CACNA2D3: variants seen among roughly 807,000 people sequenced by gnomAD.
CACNA2D3 encodes voltage-dependent calcium channel subunit alpha-2/delta-3.
CACNA2D3 carries 60 observed loss-of-function variants against 160.6 expected under a neutral mutation model. That is an observed-to-expected ratio of 0.37 (90% confidence interval 0.30 to 0.46). The LOEUF (loss-of-function observed/expected upper bound fraction) is 0.46. Ranked by LOEUF, CACNA2D3 falls within the 20% of genes least tolerant of loss-of-function variation. The pLI is 1.00. For synonymous variants in CACNA2D3, 558 were observed against 492.9 expected (o/e 1.13, Z -1.75); for missense variants, 1,205 against 1,365.0 (o/e 0.88, Z 1.85).
chr3:54,881,659 G>A (rs1334038875), intron 21 of CACNA2D3, among the ~76,000 whole-genome samples: 2 of 152,204 alleles, frequency 1.3e-5, no homozygotes, highest in African/African-American at 4.8e-5. Flanking sequence ...CTCACTTGCA[G>A]GTCATTAGGT....
intron 28 of CACNA2D3, among the ~76,000 whole-genome samples, chr3:54,969,390 G>A (rs553779431): frequency 6.6e-6 from 1 of 151,626 alleles, no homozygotes; most frequent in South Asian, 2.1e-4. Context: ...CTCCTGAGTA[G>A]CTGGGATTAC....
chr3:54,857,441 C>A (rs575531948), intron 17 of CACNA2D3, among the ~76,000 whole-genome samples: 1 of 152,068 alleles, frequency 6.6e-6, no homozygotes. Flanking sequence ...CAAGATGTGA[C>A]GAGAAATTAG....
At chr3:54,319,201 C>CACACACACACACACA (rs1559448362) in intron 2 of CACNA2D3, among the ~76,000 whole-genome samples, 1 of 146,794 alleles carries the variant, frequency 6.8e-6, no homozygotes, top group African/African-American at 2.5e-5. Context: ...CACACACACA[C>CACACACACACACACA]CCTTCCTCGA....
chr3:54,787,591 A>AT (rs1702666159), intron 13 of CACNA2D3, among the ~76,000 whole-genome samples: 1 of 152,192 alleles, frequency 6.6e-6, no homozygotes, highest in Non-Finnish European at 1.5e-5. Flanking sequence ...AACTTTAAAA[A>AT]TTAGTTAGGC....
At chr3:54,675,090 G>A (rs531438215) in intron 11 of CACNA2D3, among the ~76,000 whole-genome samples, 2 of 152,122 alleles carry the variant, frequency 1.3e-5, no homozygotes, top group Non-Finnish European at 2.9e-5. Flanking sequence ...ACAGGATCTG[G>A]GCTTTTTCAG....
intron 27 of CACNA2D3, among the ~76,000 whole-genome samples, chr3:54,954,463 T>G (rs1701831806): frequency 6.6e-6 from 1 of 152,226 alleles, no homozygotes; most frequent in Non-Finnish European, 1.5e-5. Flanking sequence ...TTTCCAGAGT[T>G]AGACCCAAGG....
chr3:54,371,469 A>G (rs58313414), intron 3 of CACNA2D3, among the ~76,000 whole-genome samples: 1,707 of 152,246 alleles, frequency 0.011, 27 homozygotes, highest in African/African-American at 0.039. Context: ...ATATAATACA[A>G]TTTGCTTATT....
At chr3:54,764,584 C>T (rs1023951222) in intron 13 of CACNA2D3, among the ~76,000 whole-genome samples, 2 of 152,182 alleles carry the variant, frequency 1.3e-5, no homozygotes, top group Non-Finnish European at 2.9e-5. Context: ...AAAGAAATCA[C>T]GTTTTGCTTG....
chr3:54,640,832 A>T (rs563014405), intron 10 of CACNA2D3, among the ~76,000 whole-genome samples: 44 of 152,298 alleles, frequency 2.9e-4, no homozygotes, highest in African/African-American at 1.0e-3. Context: ...AACTAGCCTC[A>T]TTTAGATTTT....
chr3:54,180,090 TG>T (rs1416137969), intron 2 of CACNA2D3, among the ~76,000 whole-genome samples: 1 of 145,354 alleles, frequency 6.9e-6, no homozygotes, highest in East Asian at 2.0e-4. Context: ...GGTTTTCTTT[TG>T]TCTTTTGCCT....
At chr3:54,934,250 A>C (rs984727389) in intron 27 of CACNA2D3, among the ~76,000 whole-genome samples, 2 of 152,198 alleles carry the variant, frequency 1.3e-5, no homozygotes, top group African/African-American at 4.8e-5. Flanking sequence ...TTTTTTACAC[A>C]ACCCATTCTT....
At chr3:54,565,505 C>T (rs764064315) in intron 6 of CACNA2D3, among the ~76,000 whole-genome samples, 9 of 152,146 alleles carry the variant, frequency 5.9e-5, no homozygotes, top group Non-Finnish European at 1.0e-4. Flanking sequence ...TGGTAACTCT[C>T]TTGTGTCTCT....
rs534841774 is a variant in CACNA2D3, at chr3:54,531,667, C to T, written c.544+28013C>T. Among the ~76,000 whole-genome samples, 9 of 152,236 alleles carry T rather than the reference C, an allele frequency of 5.9e-5. 1 individual carries two copies. In the East Asian group the frequency reaches 1.2e-3, roughly 20 times the overall value. On this transcript the variant is annotated intron_variant, in intron 5 of 37. Coordinates refer to ENST00000474759, the MANE Select transcript of CACNA2D3 (RefSeq NM_018398.3). ...AAGTTAATTGTGTTTCTGTGATGTC[C>T]GGGTTCGGAATGTCGGAAGTCATCA...
chr3:54,687,126 T>TCTTTTTCTTTTTC (rs374461120), intron 11 of CACNA2D3, among the ~76,000 whole-genome samples: 28 of 66,936 alleles, frequency 4.2e-4, no homozygotes, highest in African/African-American at 1.8e-3. Context: ...TTTTTCTTTT[T>TCTTTTTCTTTTTC]TTTTTTTTGT....
At chr3:54,391,004 G>GAAA (rs75040780) in intron 4 of CACNA2D3, among the ~76,000 whole-genome samples, 47 of 148,248 alleles carry the variant, frequency 3.2e-4, no homozygotes, top group Admixed American at 9.4e-4. Context: ...TTTTCATACT[G>GAAA]AAAAATAAAA....
chr3:54,183,853 C>G (rs955079643), intron 2 of CACNA2D3, among the ~76,000 whole-genome samples: 100 of 129,526 alleles, frequency 7.7e-4, no homozygotes, highest in African/African-American at 2.8e-3. Context: ...CCACTGCACT[C>G]GAGCCTCAGC....
At chr3:54,460,752 T>C (rs1211606329) in intron 4 of CACNA2D3, among the ~76,000 whole-genome samples, 1 of 152,188 alleles carries the variant, frequency 6.6e-6, no homozygotes, top group African/African-American at 2.4e-5. Context: ...GTTTTCCTAA[T>C]TGAATACCCT....
intron 2 of CACNA2D3, among the ~76,000 whole-genome samples, chr3:54,244,663 C>T (rs1176405663): frequency 6.6e-6 from 1 of 152,186 alleles, no homozygotes; most frequent in Admixed American, 6.5e-5. Context: ...TGTCCACATC[C>T]AATATCCAGT....
intron 4 of CACNA2D3, among the ~76,000 whole-genome samples, chr3:54,434,735 G>C (rs1042766702): frequency 6.6e-6 from 1 of 152,240 alleles, no homozygotes; most frequent in Non-Finnish European, 1.5e-5. Flanking sequence ...CATTCTCAGA[G>C]TTGAGGGGAT....
Sources: allele counts gnomAD v4.1 joint callset (sites outside exome capture counted in the v4.1 genomes callset), GRCh38; gene constraint gnomAD v4.1.1; transcripts MANE v1.5; gene names NCBI Gene and HGNC (gene_info 2026-07-23, HGNC 2026-07-21).